The following GSE1 variants were observed in gnomAD, a reference collection of about 807,000 sequenced individuals.
GSE1 encodes the protein genetic suppressor element 1.
A neutral mutation model predicts 112.6 loss-of-function variants in GSE1; 32 were observed. The observed-to-expected ratio is 0.28, with a 90% confidence interval of 0.21 to 0.38. The LOEUF (loss-of-function observed/expected upper bound fraction) is 0.38. Ranked by LOEUF, GSE1 falls within the 10% of genes least tolerant of loss-of-function variation. GSE1 has a pLI of 1.00. For missense variants in GSE1, 2,348 were observed against 1,699.2 expected, an observed-to-expected ratio of 1.38 and a Z score of -6.71; for synonymous variants, 1,115 against 735.6, an observed-to-expected ratio of 1.52 and a Z score of -8.35.
At chr16:85,328,382 G>T (rs2046268774) in intron 1 of GSE1, among the ~76,000 whole-genome samples, 1 of 152,216 alleles carries the variant, frequency 6.6e-6, no homozygotes, top group South Asian at 2.1e-4. Flanking sequence ...GGGGCTGCAG[G>T]AAGAGCCGGC....
At chr16:85,435,006 C>T (rs1171767507) in intron 2 of GSE1, among the ~76,000 whole-genome samples, 2 of 152,252 alleles carry the variant, frequency 1.3e-5, no homozygotes, top group East Asian at 3.8e-4. Context: ...GCCCCACACT[C>T]AGGAGGGCCT....
In GSE1 at chr16:85,566,891, C is replaced by T. The variant is rs114973662; in HGVS notation, c.37+10528C>T. 5.8e-3 allele frequency among the ~76,000 whole-genome samples: 879 copies of T among 152,234 alleles called. 8 individuals carry two copies. The highest frequency in any genetic ancestry group is 0.019 in the African/African-American group (787 of 41,524). ...TTAATTGAACTTGCTGTGGAGGGGCCGCAGCGGAAGGGCCGGCCACTGCAT... is the reference window on the plus strand; with the variant it reads ...TTAATTGAACTTGCTGTGGAGGGGCTGCAGCGGAAGGGCCGGCCACTGCAT... On this transcript the variant is annotated intron_variant, in intron 1 of 2. Transcript: ENST00000635906.
intron 12 of GSE1, among the ~76,000 whole-genome samples, 171 bp from the exon 13 acceptor site, chr16:85,665,805 G>A (rs896436543): frequency 6.6e-6 from 1 of 152,218 alleles, no homozygotes. Context: ...ACACCCCACT[G>A]TCTTCAGAGA....
At chr16:85,652,149 C>T (rs1336561159) in intron 3 of GSE1, among the ~76,000 whole-genome samples, 2 of 152,348 alleles carry the variant, frequency 1.3e-5, no homozygotes, top group Middle Eastern at 3.4e-3. Context: ...GCCATCAACT[C>T]TGCTGCCCTG....
chr16:85,612,631 C>T (rs1327781487), upstream of GSE1, among the ~76,000 whole-genome samples: 2 of 150,314 alleles, frequency 1.3e-5, no homozygotes, highest in Non-Finnish European at 3.0e-5. Flanking sequence ...GGGTGGGGTG[C>T]CTTATGGAAT....
chr16:85,628,373 C>T (rs905696826), intron 1 of GSE1, among the ~76,000 whole-genome samples: 8 of 152,234 alleles, frequency 5.3e-5, no homozygotes, highest in African/African-American at 1.9e-4. Context: ...CCCAGGGAGA[C>T]TGTACCTGGG....
intron 2 of GSE1, among the ~76,000 whole-genome samples, chr16:85,542,587 G>A (rs992953425): frequency 6.6e-6 from 1 of 152,256 alleles, no homozygotes; most frequent in Non-Finnish European, 1.5e-5. Context: ...CAAACAACCG[G>A]AAAGGCTGTC....
intron 1 of GSE1, among the ~76,000 whole-genome samples, chr16:85,622,423 G>C (rs2048798752): frequency 1.3e-5 from 2 of 152,280 alleles, no homozygotes; most frequent in African/African-American, 4.8e-5. Flanking sequence ...GGTCATATTG[G>C]GGAGGGTGTT....
chr16:85,566,612 A>G (rs1293592679), intron 1 of GSE1, among the ~76,000 whole-genome samples: 1 of 152,190 alleles, frequency 6.6e-6, no homozygotes, highest in Admixed American at 6.5e-5. Context: ...ACAGGCCCAC[A>G]GCCAGTGCCC....
At chr16:85,651,425 C>G (rs896159525) in intron 3 of GSE1, among the ~76,000 whole-genome samples, 3 of 152,130 alleles carry the variant, frequency 2.0e-5, no homozygotes, top group Admixed American at 2.0e-4. Flanking sequence ...CCCGGACTCC[C>G]TGTTTGTCCT....
At chr16:85,342,853 A>C (rs1019878269) in intron 1 of GSE1, among the ~76,000 whole-genome samples, 1 of 150,960 alleles carries the variant, frequency 6.6e-6, no homozygotes, top group African/African-American at 2.4e-5. Flanking sequence ...CCCCCTTTTC[A>C]GCGGCACCCC....
intron 1 of GSE1, among the ~76,000 whole-genome samples, chr16:85,322,163 A>G (rs894416521): frequency 6.6e-6 from 1 of 152,230 alleles, no homozygotes; most frequent in African/African-American, 2.4e-5. Flanking sequence ...TTCCAAGTTC[A>G]ACATTCTGCC....
chr16:85,227,289 T>C (rs192983752), intron 1 of GSE1, among the ~76,000 whole-genome samples: 1 of 152,338 alleles, frequency 6.6e-6, no homozygotes. Flanking sequence ...TGGTTAGTCA[T>C]CCTGCAGTGG....
intron 2 of GSE1, among the ~76,000 whole-genome samples, chr16:85,452,302 T>C (rs1277835607): frequency 1.3e-5 from 2 of 152,190 alleles, no homozygotes; most frequent in Non-Finnish European, 2.9e-5. Context: ...CCAACCCTCA[T>C]GAGCTGGGAC....
At chr16:85,507,450 A>G (rs1275934293) in intron 2 of GSE1, among the ~76,000 whole-genome samples, 3 of 152,200 alleles carry the variant, frequency 2.0e-5, no homozygotes, top group South Asian at 4.2e-4. Context: ...CCGCAGGGTT[A>G]CTCGCCCTTG....
chr16:85,235,427 A>ATTGTGTGTGTGTGTGTGTGT (rs574126768), intron 1 of GSE1, among the ~76,000 whole-genome samples: 4 of 64,942 alleles, frequency 6.2e-5, no homozygotes, highest in Non-Finnish European at 9.5e-5. Flanking sequence ...ATGGAAGGGT[A>ATTGTGTGTGTGTGTGTGTGT]CTGTGTGTGT....
At chr16:85,176,260 G>T (rs1258843820) in intron 1 of GSE1, among the ~76,000 whole-genome samples, 2 of 152,196 alleles carry the variant, frequency 1.3e-5, no homozygotes, top group Non-Finnish European at 2.9e-5. Flanking sequence ...TCTCCTGTGG[G>T]TCTGCAGTTG....
At chr16:85,434,330 A>ATCATCATC (rs2049191419) in intron 2 of GSE1, among the ~76,000 whole-genome samples, 5 of 122,070 alleles carry the variant, frequency 4.1e-5, no homozygotes, top group Admixed American at 1.6e-4. Flanking sequence ...TAATAATAAT[A>ATCATCATC]ATAATAATAA....
rs866526150 is a variant in GSE1, at chr16:85,514,442, A to G, written c.2465-119472A>G. Among the ~76,000 whole-genome samples the G allele has an allele frequency of 7.9e-4, 51 of 64,196 alleles. 1 individual carries two copies. The highest frequency in any genetic ancestry group is 0.012 in the Middle Eastern group (1 of 84). 42.1% of individuals were successfully genotyped at this position (64,196 alleles called of 152,430 possible). A position where few individuals can be genotyped will look rare whatever the true frequency, so the allele number is the denominator to read the frequency against. ...GCTCTCGAGTCCCCCCCCCCACCCC[A>G]GGGCAGCTCCTGGGGCATCCTTGGC... On this transcript the variant is annotated intron_variant, in intron 2 of 2. Transcript: ENST00000637419.
Sources: allele counts gnomAD v4.1 joint callset (sites outside exome capture counted in the v4.1 genomes callset), GRCh38; gene constraint gnomAD v4.1.1; transcripts MANE v1.5; gene names NCBI Gene and HGNC (gene_info 2026-07-23, HGNC 2026-07-21).